PLCZ1: variants seen among roughly 807,000 people sequenced by gnomAD.
PLCZ1 encodes the protein 1-phosphatidylinositol 4,5-bisphosphate phosphodiesterase zeta-1.
Under a neutral mutation model 76.8 loss-of-function variants are expected in PLCZ1, and 64 were observed. The ratio of observed to expected loss-of-function variants is 0.83; its 90% CI spans 0.68 to 1.03. PLCZ1 has a LOEUF of 1.03. Ranked by LOEUF, PLCZ1 falls within the 50% of genes least tolerant of loss-of-function variation. The pLI, the probability that PLCZ1 is intolerant of heterozygous loss-of-function variation, is 0.00. For missense variants in PLCZ1, 751 were observed against 713.7 expected (o/e 1.05, Z -0.60); for synonymous variants, 248 against 230.8 (o/e 1.07, Z -0.68).
chr12:18,724,065 T>A (rs372183821), intron 3 of PLCZ1, among the ~76,000 whole-genome samples: 3 of 151,996 alleles, frequency 2.0e-5, no homozygotes, highest in East Asian at 3.9e-4. Context: ...ATTCGAAAGG[T>A]CATATTTGAA....
At chr12:18,732,300 C>T (rs922324014) in intron 3 of PLCZ1, among the ~76,000 whole-genome samples, 16 of 152,076 alleles carry the variant, frequency 1.1e-4, no homozygotes, top group African/African-American at 3.9e-4. Context: ...CACAGGCACA[C>T]ACCACCAGGC....
the PLCZ1 span, among the ~76,000 whole-genome samples, chr12:18,652,016 A>G: frequency 6.6e-6 from 1 of 152,184 alleles, no homozygotes; most frequent in Non-Finnish European, 1.5e-5. Flanking sequence ...AGAATAAAAC[A>G]TATTTTCTTT....
Position 18,737,988 on chromosome 12 carries a change from T to G in PLCZ1, c.-195A>C, listed in dbSNP as rs563994473. 4.6e-6 allele frequency: 2 copies of G among 436,388 alleles called. No individual in the cohort carries two copies. The highest frequency in any genetic ancestry group is 8.1e-6 in the Non-Finnish European group (2 of 246,930). 27.0% of individuals were successfully genotyped at this position (436,388 alleles called of 1,614,324 possible). On this transcript the variant is annotated 5_prime_UTR_variant, in exon 1 of 15. Coordinates refer to ENST00000266505, the MANE Select transcript of PLCZ1 (RefSeq NM_033123.4). ...GTTCTTAAAATCTTCAAAAGAGGTA[T>G]AGCTGGTTGGCTGGGCACCACACTG...
the PLCZ1 span, among the ~76,000 whole-genome samples, chr12:18,653,772 A>G: frequency 1.3e-5 from 2 of 152,144 alleles, no homozygotes; most frequent in Non-Finnish European, 2.9e-5. Context: ...TACAGCTGCA[A>G]TTATAGGAGG....
chr12:18,668,453 A>G, the PLCZ1 span, among the ~76,000 whole-genome samples: 3,392 of 152,292 alleles, frequency 0.022, 127 homozygotes, highest in African/African-American at 0.078. Flanking sequence ...ACACACATGG[A>G]GCACCAAGGT....
intron 6 of PLCZ1, among the ~76,000 whole-genome samples, chr12:18,709,844 G>C (rs1316898440): frequency 6.6e-6 from 1 of 151,980 alleles, no homozygotes; most frequent in Non-Finnish European, 1.5e-5. Context: ...TTTCATCCAT[G>C]TTTTATAGTT....
rs1210378277 is a variant in PLCZ1 at position 18,730,012 on chromosome 12, A to G, written c.135+6209T>C. 3.9e-5 allele frequency among the ~76,000 whole-genome samples: 6 copies of G among 152,102 alleles called. No homozygotes were observed. In the East Asian group the frequency reaches 1.2e-3, roughly 29 times the overall value. ...TTTTGTGTCATGCCTAGTACTAGGTATATTCATACATAATATCTTATTTAA... is the reference window on the plus strand; with the variant it reads ...TTTTGTGTCATGCCTAGTACTAGGTGTATTCATACATAATATCTTATTTAA... On this transcript the variant is annotated intron_variant, in intron 3 of 14. Transcript: ENST00000266505.
At chr12:18,689,426 C>T (rs1336344593) in intron 12 of PLCZ1, among the ~76,000 whole-genome samples, 2 of 152,140 alleles carry the variant, frequency 1.3e-5, no homozygotes, top group East Asian at 1.9e-4. Context: ...TTTCTTAAAA[C>T]ATTATGAGAT....
chr12:18,680,654 G>C (rs933284512), downstream of PLCZ1, among the ~76,000 whole-genome samples: 60 of 152,034 alleles, frequency 3.9e-4, no homozygotes, highest in African/African-American at 1.4e-3. Context: ...CAAGATAATG[G>C]AAGAAGTCAG....
At chr12:18,656,562 C>T in the PLCZ1 span, among the ~76,000 whole-genome samples, 3 of 151,962 alleles carry the variant, frequency 2.0e-5, no homozygotes, top group African/African-American at 7.3e-5. Flanking sequence ...GAGACTCTGT[C>T]CTGAAAAAAG....
intron 12 of PLCZ1, chr12:18,693,042 G>A (rs534320273): frequency 6.8e-7 from 1 of 1,462,152 alleles, no homozygotes; most frequent in South Asian, 1.1e-5. Flanking sequence ...GAAACCATTA[G>A]AAGAAAAGCA....
chr12:18,715,031 G>A (rs1034842090), intron 5 of PLCZ1: 1 of 151,660 alleles, frequency 6.6e-6, no homozygotes, highest in South Asian at 2.1e-4. Context: ...CTTCTTTGGC[G>A]ATCATATGCA....
the PLCZ1 span, among the ~76,000 whole-genome samples, chr12:18,665,312 G>T: frequency 2.0e-5 from 3 of 151,956 alleles, no homozygotes; most frequent in Non-Finnish European, 4.4e-5. Flanking sequence ...GGATATTAGT[G>T]GTAGTTGTAG....
chr12:18,693,456 C>T, intron 12 of PLCZ1: 3 of 1,605,628 alleles, frequency 1.9e-6, no homozygotes, highest in Middle Eastern at 2.2e-4. Context: ...CTCTGTGGTC[C>T]ACCTGGCACA....
rs796686293 is a variant in PLCZ1, at chr12:18,736,082, G to A, written c.135+139C>T. The A allele has an allele frequency of 6.5e-6, 6 of 920,644 alleles. No homozygotes were observed. In the African/African-American group the frequency reaches 8.4e-5, roughly 13 times the overall value. 57.0% of individuals were successfully genotyped at this position (920,644 alleles called of 1,614,324 possible). A position where few individuals can be genotyped will look rare whatever the true frequency, so the allele number is the denominator to read the frequency against. ...AACTAATTTTACCTTCTACTGAAATGCTCTCCATCTTGATTGTAAATATAG... is the reference window on the plus strand; with the variant it reads ...AACTAATTTTACCTTCTACTGAAATACTCTCCATCTTGATTGTAAATATAG... On this transcript the variant is annotated intron_variant, in intron 3 of 14. Transcript: ENST00000266505.
chr12:18,650,704 GTATATATCTATATATA>G, the PLCZ1 span, among the ~76,000 whole-genome samples: 103 of 57,776 alleles, frequency 1.8e-3, 2 homozygotes, highest in African/African-American at 4.8e-3. Flanking sequence ...GTGTGTGTGT[GTATATATCTATATATA>G]TATATATATA....
At chr12:18,662,858 A>T in the PLCZ1 span, among the ~76,000 whole-genome samples, 1 of 152,106 alleles carries the variant, frequency 6.6e-6, no homozygotes, top group Non-Finnish European at 1.5e-5. Context: ...AATAAAAACC[A>T]AAGGAAATGA....
Position 18,736,308 on chromosome 12 carries a change from A to G in PLCZ1, c.48T>C (p.Gly16=), listed in dbSNP as rs1436541668. ...GAGTTTTTTCTAGGTTAATTTTTCCACCTCTGAAGTCATCCTGAATCTTTG... is the reference window on the plus strand; with the variant it reads ...GAGTTTTTTCTAGGTTAATTTTTCCGCCTCTGAAGTCATCCTGAATCTTTG... ...FLSKIQDDFR[G]GKINLEKTQR... is the part of the protein sequence containing the mutation. Residue 16 remains glycine, a synonymous_variant, in exon 3 of 15, where the codon GGT becomes GGC. Coordinates refer to ENST00000266505, the MANE Select transcript of PLCZ1 (RefSeq NM_033123.4). 2.5e-6 allele frequency: 4 copies of G among 1,612,670 alleles called. No homozygotes were observed. Among genetic ancestry groups the G allele is most frequent in the Non-Finnish European group, 3.4e-6 (4 of 1,179,284 alleles).
chr12:18,656,992 A>G, the PLCZ1 span, among the ~76,000 whole-genome samples: 1 of 152,144 alleles, frequency 6.6e-6, no homozygotes, highest in African/African-American at 2.4e-5. Context: ...ATAGGGTCCT[A>G]ATATGACAGA....
Sources: gnomAD v4.1 joint callset for allele counts (sites outside exome capture counted in the v4.1 genomes callset) on GRCh38, gnomAD v4.1.1 for gene constraint, MANE v1.5 for transcripts, NCBI Gene and HGNC (gene_info 2026-07-23, HGNC 2026-07-21) for gene names.